COL4A2: variants seen among roughly 807,000 people sequenced by gnomAD.
COL4A2 encodes the protein collagen type IV alpha 2 chain.
Under a neutral mutation model 200.2 loss-of-function variants are expected in COL4A2, and 99 were observed. That is an observed-to-expected ratio of 0.49 (90% CI 0.42 to 0.58). The LOEUF (loss-of-function observed/expected upper bound fraction) is 0.58, where lower values mean the gene tolerates loss of function less well. COL4A2 is among the 20% of genes least tolerant of loss of function. The probability of loss-of-function intolerance (pLI) is 0.00; values close to 1 mark genes in which losing one functional copy is unlikely to be tolerated. For synonymous variants in COL4A2, 897 were observed against 900.6 expected (o/e 1.00, Z 0.07); for missense variants, 1,950 against 2,314.1 (o/e 0.84, Z 3.23).
intron 13 of COL4A2, among the ~76,000 whole-genome samples, chr13:110,437,546 G>A (rs995480355): frequency 6.6e-6 from 1 of 152,230 alleles, no homozygotes; most frequent in Non-Finnish European, 1.5e-5. Context: ...TTTGATCTAT[G>A]ATATTGACAT....
rs1000070513 is a variant in COL4A2, at chr13:110,398,867, AT to A, written c.181-25856del. On this transcript the variant is annotated intron_variant, in intron 4 of 47. Coordinates refer to ENST00000360467, the MANE Select transcript of COL4A2 (RefSeq NM_001846.4). ...AATTTAGGTTGATTTTTTTTTAACAATTTTTTTTTTTAGCCAAGTCAAAAAA... is the reference window on the plus strand; with the variant it reads ...AATTTAGGTTGATTTTTTTTTAACAATTTTTTTTTTAGCCAAGTCAAAAAA... Among the ~76,000 whole-genome samples the A allele has an allele frequency of 4.7e-3, 699 of 147,772 alleles. 5 individuals carry two copies. The highest frequency in any genetic ancestry group is 0.016 in the African/African-American group (641 of 40,480).
intron 29 of COL4A2, among the ~76,000 whole-genome samples, chr13:110,476,910 C>CA (rs1295701924): frequency 1.3e-5 from 2 of 152,278 alleles, no homozygotes; most frequent in African/African-American, 4.8e-5. Context: ...AGTTTGAATA[C>CA]AAAGGTTAGT....
chr13:110,334,977 G>A (rs946162463), intron 3 of COL4A2, among the ~76,000 whole-genome samples: 2 of 152,114 alleles, frequency 1.3e-5, no homozygotes, highest in African/African-American at 4.8e-5. Flanking sequence ...TAAAGAGCTG[G>A]GGGCCCAGCT....
chr13:110,508,507 G>C lies in COL4A2; in HGVS notation c.4881+286G>C, dbSNP rs1244416084. Among the ~76,000 whole-genome samples, 1 of 152,214 alleles carries C rather than the reference G, an allele frequency of 6.6e-6. No homozygotes were observed. Among genetic ancestry groups the C allele is most frequent in the Non-Finnish European group, 1.5e-5 (1 of 68,040 alleles). On this transcript the variant is annotated intron_variant, in intron 47 of 47. Coordinates refer to ENST00000360467, the MANE Select transcript of COL4A2 (RefSeq NM_001846.4). This position sits in a 1 kb window ranked among gnomAD's most constrained non-coding sequence, Gnocchi z 6.1. ...AACTTGCCTGTTATCCGTCTTACTA[G>C]GTACAACACCAACACCAAAGGTGCA...
intron 13 of COL4A2, 127 bp downstream of exon 13, chr13:110,436,494 A>G: frequency 7.9e-7 from 1 of 1,266,660 alleles, no homozygotes; most frequent in South Asian, 1.8e-5. Flanking sequence ...CACATTACCC[A>G]TGAAAACATA....
chr13:110,500,005 C>G (rs997439758), intron 40 of COL4A2, among the ~76,000 whole-genome samples: 1 of 152,180 alleles, frequency 6.6e-6, no homozygotes, highest in African/African-American at 2.4e-5. Context: ...GGCTAATGAA[C>G]CCACTTGCAT....
rs1464247149 is a variant in COL4A2 at position 110,450,221 on chromosome 13, C to T, written c.1190-84C>T. ...GGGGCCATGAAGCCCGCTAGTGCCC[C>T]AGTGGGCCCCTCTGGACACGAACAC... On this transcript the variant is annotated intron_variant, in intron 19 of 47. Transcript: ENST00000360467. The T allele has an allele frequency of 2.2e-5, 26 of 1,204,950 alleles. No individual in the cohort carries two copies. The East Asian group carries it at 6.1e-4, about 28-fold the overall frequency. The allele number at this position is 1,204,950 out of a possible 1,614,324, so 74.6% of individuals were successfully genotyped here.
Position 110,469,113 on chromosome 13 carries a change from T to C in COL4A2, c.2096-104T>C. On this transcript the variant is annotated intron_variant, in intron 27 of 47. Coordinates refer to ENST00000360467, the MANE Select transcript of COL4A2 (RefSeq NM_001846.4). ...GCTGATATTCCCCCCAGCCTCATCA[T>C]TTCCCGGTTTCATGAGATCCACATT... 2.3e-6 allele frequency: 3 copies of C among 1,320,584 alleles called. No individual in the cohort carries two copies. The South Asian group carries it at 4.1e-5, about 18-fold the overall frequency. The allele number at this position is 1,320,584 out of a possible 1,614,324, so 81.8% of individuals were successfully genotyped here. A position where few individuals can be genotyped will look rare whatever the true frequency, so the allele number is the denominator to read the frequency against.
intron 4 of COL4A2, among the ~76,000 whole-genome samples, chr13:110,405,154 G>C (rs1326098348): frequency 6.6e-6 from 1 of 152,142 alleles, no homozygotes; most frequent in African/African-American, 2.4e-5. Flanking sequence ...AAAAACGTTA[G>C]GAAGAGAGGA....
chr13:110,387,881 G>A (rs968537656), intron 4 of COL4A2, among the ~76,000 whole-genome samples: 12 of 152,204 alleles, frequency 7.9e-5, no homozygotes, highest in African/African-American at 2.9e-4. Flanking sequence ...GCTGTGCCTG[G>A]GTTTGGGACA....
chr13:110,431,085 G>C (rs533633532), intron 10 of COL4A2, among the ~76,000 whole-genome samples: 1 of 152,306 alleles, frequency 6.6e-6, no homozygotes, highest in East Asian at 1.9e-4. Flanking sequence ...GTAGGGAAGA[G>C]CAGAAAAAGG....
rs777103069 is a variant in COL4A2, at chr13:110,482,591, G to A, written c.2834G>A (p.Ser945Asn). The A allele has an allele frequency of 3.7e-6, 6 of 1,614,070 alleles. No individual in the cohort carries two copies. The East Asian group carries it at 6.7e-5, about 18-fold the overall frequency. The change falls in exon 32 of 48, where the codon AGC becomes AAC. Residue 945 changes from serine (S) to asparagine (N), a missense_variant. This residue lies in a region of COL4A2 where 1,385 missense variants were observed against 1,720.5 expected (regional missense o/e 0.80). Transcript: ENST00000360467. ...GLKGRPGFPG[S>N]KGEAGFFGIP... ...AAAGGGAGACCCGGGTTTCCAGGGA[G>A]CAAAGGCGAGGCTGGATTTTTCGGA...
intron 3 of COL4A2, among the ~76,000 whole-genome samples, chr13:110,342,323 C>A (rs1876494250): frequency 6.6e-6 from 1 of 152,134 alleles, no homozygotes; most frequent in African/African-American, 2.4e-5. Context: ...ATTCTGGAAG[C>A]CATATAGAGT....
intron 6 of COL4A2, among the ~76,000 whole-genome samples, chr13:110,425,961 A>G (rs1297496587): frequency 6.6e-6 from 1 of 152,220 alleles, no homozygotes; most frequent in Non-Finnish European, 1.5e-5. Context: ...ATTTGCCAAG[A>G]CAAGAGCTGC....
At chr13:110,477,954 T>C (rs924220189) in intron 29 of COL4A2, 49 bp from the exon 30 acceptor site, 22 of 1,423,074 alleles carry the variant, frequency 1.5e-5, no homozygotes, top group Non-Finnish European at 2.0e-5. Flanking sequence ...CTGTCTGTGA[T>C]GAACAGTCCA....
At chr13:110,379,500 G>A (rs1878377021) in intron 4 of COL4A2, among the ~76,000 whole-genome samples, 1 of 152,162 alleles carries the variant, frequency 6.6e-6, no homozygotes. Flanking sequence ...TCAAATTGAG[G>A]AGCCAGGGGC....
At position 110,472,881 on chromosome 13, in the gene COL4A2, G is replaced by A. The variant is rs546367080; in HGVS notation, c.2204-48G>A. ...CTCTTTTTGACTCTTCTCTTAGAAC[G>A]TCACCATGCTAACTTGTGGTTTGGG... On this transcript the variant is annotated intron_variant, in intron 28 of 47. Coordinates refer to ENST00000360467, the MANE Select transcript of COL4A2 (RefSeq NM_001846.4). The A allele has an allele frequency of 6.6e-5, 101 of 1,521,836 alleles. 1 individual carries two copies. The East Asian group carries it at 8.3e-4, about 13-fold the overall frequency. The allele number at this position is 1,521,836 out of a possible 1,614,324, so 94.3% of individuals were successfully genotyped here.
At position 110,473,040 on chromosome 13, in the gene COL4A2, TC is replaced by T; in HGVS notation, c.2318del (p.Pro773LeufsTer47). 2.0e-6 allele frequency: 3 copies of T among 1,514,704 alleles called. No individual in the cohort carries two copies. Among genetic ancestry groups the T allele is most frequent in the Non-Finnish European group, 2.7e-6 (3 of 1,131,984 alleles). 93.8% of individuals were successfully genotyped at this position (1,514,704 alleles called of 1,614,324 possible). Reference protein sequence around the residue: ...GPDGPPGERGLPGEVLGAQPG... With the variant: ...GPDGPPGERGXPGEVLGAQPG... The stretch of plus-strand genomic sequence containing the variant: ...GATGGGCCCCCTGGGGAAAGGGGCC[TC>T]CCTGGAGAAGTCCTGGGAGCTCAGC... On this transcript the variant is annotated frameshift_variant, in exon 29 of 48. Transcript: ENST00000360467. LOFTEE classifies it high-confidence loss of function.
chr13:110,372,294 TTTTG>T (rs917335825), intron 4 of COL4A2, among the ~76,000 whole-genome samples: 11 of 152,290 alleles, frequency 7.2e-5, no homozygotes, highest in South Asian at 2.1e-4. Flanking sequence ...CAACAGACTT[TTTTG>T]TTTAAGAAAA....
Sources: allele counts gnomAD v4.1 joint callset (sites outside exome capture counted in the v4.1 genomes callset), GRCh38; gene constraint gnomAD v4.1.1; regional missense constraint gnomAD v4.1.1; non-coding constraint Gnocchi (gnomAD v3.1); transcripts MANE v1.5; gene names NCBI Gene and HGNC (gene_info 2026-07-23, HGNC 2026-07-21).